Variants in DKK2 observed in about 807,000 individuals in gnomAD.
The protein encoded by DKK2 is dickkopf Wnt signaling pathway inhibitor 2.
DKK2 carries 11 observed loss-of-function variants against 28.1 expected under a neutral mutation model. The observed-to-expected ratio is 0.39, with a 90% CI of 0.25 to 0.65. The LOEUF (loss-of-function observed/expected upper bound fraction) is 0.65, where lower values mean the gene tolerates loss of function less well. DKK2 is among the 30% of genes least tolerant of loss of function. DKK2 has a pLI of 0.47. For synonymous variants in DKK2, 135 were observed against 126.5 expected (o/e 1.07, Z -0.45); for missense variants, 326 against 335.5 (o/e 0.97, Z 0.22).
intron 1 of DKK2, among the ~76,000 whole-genome samples, chr4:106,927,074 A>G (rs1328056206): frequency 1.3e-5 from 2 of 152,308 alleles, no homozygotes; most frequent in Middle Eastern, 6.8e-3. Context: ...TTGAAAATAC[A>G]AAATATAAAA....
At chr4:106,983,320 GA>G (rs1369084612) in intron 1 of DKK2, among the ~76,000 whole-genome samples, 6 of 121,278 alleles carry the variant, frequency 4.9e-5, no homozygotes, top group African/African-American at 1.2e-4. Context: ...AAAGAAAGAA[GA>G]AAGAAAGGAA....
intron 1 of DKK2, among the ~76,000 whole-genome samples, chr4:106,967,824 A>G (rs113800297): frequency 0.054 from 8,208 of 151,420 alleles, 261 homozygotes; most frequent in Non-Finnish European, 0.077. Context: ...AAGAAAGAAA[A>G]AAAGGAAGGA....
At position 107,027,756 on chromosome 4, in the gene DKK2, A is replaced by ATTTTT. The variant is rs71590176; in HGVS notation, c.222+7609_222+7613dup. Reference sequence around the variant, plus strand: ...TTGCTTATGACCTCCACCTATTATGATTTTTTTTTTTTTGAGACAGAGTCT... The same window carrying ATTTTT: ...TTGCTTATGACCTCCACCTATTATGATTTTTTTTTTTTTTTTTTGAGACAGAGTCT... On this transcript the variant is annotated intron_variant, in intron 1 of 3. Coordinates refer to ENST00000285311, the MANE Select transcript of DKK2 (RefSeq NM_014421.3). Among the ~76,000 whole-genome samples the ATTTTT allele has an allele frequency of 2.2e-4, 30 of 135,320 alleles. 1 individual carries two copies. Among genetic ancestry groups the ATTTTT allele is most frequent in the African/African-American group, 6.6e-4 (24 of 36,356 alleles). The allele number at this position is 135,320 out of a possible 152,430, so 88.8% of individuals were successfully genotyped here.
chr4:106,983,572 G>A (rs1164896258), intron 1 of DKK2, among the ~76,000 whole-genome samples: 5 of 152,048 alleles, frequency 3.3e-5, no homozygotes, highest in African/African-American at 4.8e-5. Flanking sequence ...CCGAAAGCAC[G>A]GTTACCCTCC....
intron 1 of DKK2, among the ~76,000 whole-genome samples, chr4:106,943,935 C>A (rs1291289844): frequency 6.6e-6 from 1 of 152,090 alleles, no homozygotes; most frequent in Non-Finnish European, 1.5e-5. Context: ...ACTGGTGACA[C>A]TTCCATCCTA....
chr4:106,958,498 G>A (rs914425315), intron 1 of DKK2, among the ~76,000 whole-genome samples: 2 of 151,866 alleles, frequency 1.3e-5, no homozygotes, highest in Non-Finnish European at 2.9e-5. Flanking sequence ...AATTTATGGG[G>A]GCATGCCAAG....
chr4:107,031,770 C>A (rs1171940916), intron 1 of DKK2, among the ~76,000 whole-genome samples: 1 of 151,956 alleles, frequency 6.6e-6, no homozygotes, highest in Non-Finnish European at 1.5e-5. Context: ...ATTACAAACA[C>A]AAATCCAAAG....
chr4:106,954,775 CCT>C (rs1722563619), intron 1 of DKK2, among the ~76,000 whole-genome samples: 1 of 152,118 alleles, frequency 6.6e-6, no homozygotes, highest in African/African-American at 2.4e-5. Context: ...CCTGCCTCGC[CCT>C]CGCAAAGTGC....
chr4:107,012,757 C>A (rs1361990663), intron 1 of DKK2, among the ~76,000 whole-genome samples: 1 of 151,036 alleles, frequency 6.6e-6, no homozygotes, highest in Non-Finnish European at 1.5e-5. Context: ...GCAGCATATG[C>A]TCTCTATAAA....
At chr4:106,981,076 A>G (rs548290010) in intron 1 of DKK2, among the ~76,000 whole-genome samples, 1 of 152,310 alleles carries the variant, frequency 6.6e-6, no homozygotes, top group South Asian at 2.1e-4. Context: ...CACGTGTCAT[A>G]TAATAAAGTC....
At chr4:106,966,205 G>A (rs1722779280) in intron 1 of DKK2, among the ~76,000 whole-genome samples, 2 of 152,164 alleles carry the variant, frequency 1.3e-5, no homozygotes, top group African/African-American at 4.8e-5. Flanking sequence ...ATTAATTTGT[G>A]CTCATGAGGT....
intron 1 of DKK2, among the ~76,000 whole-genome samples, chr4:106,947,301 A>G (rs928986405): frequency 2.0e-5 from 3 of 152,144 alleles, no homozygotes; most frequent in African/African-American, 7.2e-5. Flanking sequence ...TGTCTGTGCT[A>G]CTAACCACAT....
chr4:107,029,839 G>C (rs1302297072), intron 1 of DKK2, among the ~76,000 whole-genome samples: 1 of 151,968 alleles, frequency 6.6e-6, no homozygotes, highest in Non-Finnish European at 1.5e-5. Flanking sequence ...TTTTAAATTA[G>C]ATACTGCAAA....
chr4:106,943,656 G>A (rs1724734273), intron 1 of DKK2, among the ~76,000 whole-genome samples: 1 of 152,016 alleles, frequency 6.6e-6, no homozygotes, highest in Non-Finnish European at 1.5e-5. Context: ...ATTTTATGTT[G>A]AACCATCAGT....
At chr4:107,030,105 T>G (rs1162159965) in intron 1 of DKK2, among the ~76,000 whole-genome samples, 1 of 151,980 alleles carries the variant, frequency 6.6e-6, no homozygotes, top group Non-Finnish European at 1.5e-5. Flanking sequence ...TTACTTCTAT[T>G]AAAAAAAATT....
intron 1 of DKK2, among the ~76,000 whole-genome samples, chr4:106,942,610 A>G (rs1314619539): frequency 2.0e-5 from 3 of 152,094 alleles, no homozygotes; most frequent in Admixed American, 6.6e-5. Flanking sequence ...CAGATAAGAA[A>G]TTCCCCTCAG....
At chr4:106,933,990 G>A (rs1302227236) in intron 1 of DKK2, among the ~76,000 whole-genome samples, 1 of 148,988 alleles carries the variant, frequency 6.7e-6, no homozygotes, top group East Asian at 2.0e-4. Context: ...GTGTGTGTAT[G>A]TGTATATATG....
chr4:107,022,046 T>C (rs565778888), intron 1 of DKK2, among the ~76,000 whole-genome samples: 7 of 152,218 alleles, frequency 4.6e-5, no homozygotes, highest in Admixed American at 3.3e-4. Flanking sequence ...AAGCAGAATG[T>C]TTCCATCCTT....
At chr4:107,034,478 G>A (rs1270036991) in intron 1 of DKK2, among the ~76,000 whole-genome samples, 1 of 152,156 alleles carries the variant, frequency 6.6e-6, no homozygotes, top group Non-Finnish European at 1.5e-5. Context: ...GTGCGCGCTC[G>A]TCTCTGTGCG....
Sources: gnomAD v4.1 joint callset for allele counts (sites outside exome capture counted in the v4.1 genomes callset) on GRCh38, gnomAD v4.1.1 for gene constraint, MANE v1.5 for transcripts, NCBI Gene and HGNC (gene_info 2026-07-23, HGNC 2026-07-21) for gene names.